Variants in HTRA3 observed in about 807,000 individuals in gnomAD.
HTRA3 encodes the protein serine protease HTRA3.
Under a neutral mutation model 43.2 loss-of-function variants are expected in HTRA3, and 41 were observed. That is an observed-to-expected ratio of 0.95 (90% CI 0.74 to 1.23). The LOEUF is 1.23. Among genes scored for constraint, HTRA3 ranks in the 50% most tolerant of loss-of-function variants. HTRA3 has a pLI of 0.00. For missense variants in HTRA3, 628 were observed against 647.1 expected, an observed-to-expected ratio of 0.97 and a Z score of 0.32; for synonymous variants, 295 against 287.9, an observed-to-expected ratio of 1.02 and a Z score of -0.25.
At chr4:8,292,863 T>C (rs1221615299) in intron 5 of HTRA3, among the ~76,000 whole-genome samples, 1 of 151,894 alleles carries the variant, frequency 6.6e-6, no homozygotes, top group Admixed American at 6.6e-5. Flanking sequence ...TGGGGAGGTG[T>C]CCAGATGTGA....
At chr4:8,271,649 C>A (rs1712281655) in intron 1 of HTRA3, among the ~76,000 whole-genome samples, 1 of 152,206 alleles carries the variant, frequency 6.6e-6, no homozygotes, top group Non-Finnish European at 1.5e-5. Context: ...AAGGTGCCAG[C>A]AGGCTTGGTT....
chr4:8,293,020 C>G (rs573181888), intron 5 of HTRA3, among the ~76,000 whole-genome samples: 23 of 151,996 alleles, frequency 1.5e-4, no homozygotes, highest in Non-Finnish European at 2.6e-4. Flanking sequence ...GGACTGGGTA[C>G]AGGAAGAAGA....
chr4:8,300,936 TTTA>T (rs779671182), intron 6 of HTRA3, among the ~76,000 whole-genome samples: 9 of 152,038 alleles, frequency 5.9e-5, no homozygotes, highest in African/African-American at 1.4e-4. Flanking sequence ...TCCAGTCATC[TTTA>T]TTATTGATTC....
At chr4:8,292,216 C>A in intron 4 of HTRA3, 105 bp from the exon 5 acceptor site, 1 of 942,038 alleles carries the variant, frequency 1.1e-6, no homozygotes, top group Admixed American at 2.1e-5. Context: ...GAGGATGAGA[C>A]CTGCTTATGT....
At chr4:8,283,370 C>G (rs904428690) in intron 2 of HTRA3, among the ~76,000 whole-genome samples, 1 of 152,188 alleles carries the variant, frequency 6.6e-6, no homozygotes, top group East Asian at 1.9e-4. Flanking sequence ...GGGCCTGCCC[C>G]GGTCCCTGCC....
chr4:8,270,381 T>C, intron 1 of HTRA3, 28 bp downstream of exon 1: 1 of 1,376,996 alleles, frequency 7.3e-7, no homozygotes, highest in East Asian at 3.1e-5. Flanking sequence ...AGGGAGGAAG[T>C]GAAGCTTCTT....
At chr4:8,284,300 G>A (rs563067573) in intron 2 of HTRA3, among the ~76,000 whole-genome samples, 6 of 152,198 alleles carry the variant, frequency 3.9e-5, no homozygotes, top group East Asian at 1.9e-4. Context: ...TAAGTGGCAC[G>A]TTGCTGGCCT....
chr4:8,270,211 C>A lies in HTRA3; in HGVS notation c.243C>A (p.Cys81Ter). The A allele has an allele frequency of 6.5e-7, 1 of 1,537,942 alleles. No individual in the cohort carries two copies. The highest frequency in any genetic ancestry group is 8.7e-7 in the Non-Finnish European group (1 of 1,153,758). Residue 81 changes from cysteine (C) to a stop codon, truncating the protein, a stop_gained, in exon 1 of 9, where the codon TGC (cysteine) becomes TGA (stop). Transcript: ENST00000307358. LOFTEE classifies it high-confidence loss of function. ...GESLECVRGL[C>*]RCRWSHAVCG... is the part of the protein sequence containing the mutation. ...GCCTGGAGTGCGTGCGCGGCCTATG[C>A]CGCTGCCGCTGGTCGCACGCCGTGT...
At chr4:8,300,873 A>G (rs1419689365) in intron 6 of HTRA3, among the ~76,000 whole-genome samples, 1 of 150,576 alleles carries the variant, frequency 6.6e-6, no homozygotes, top group Non-Finnish European at 1.5e-5. Context: ...TCTTACCTTT[A>G]TTGATTCACA....
intron 2 of HTRA3, among the ~76,000 whole-genome samples, chr4:8,285,595 G>C (rs1192258101): frequency 6.6e-6 from 1 of 152,208 alleles, no homozygotes; most frequent in African/African-American, 2.4e-5. Context: ...GCCCCACGCT[G>C]GGGTCCCGAA....
chr4:8,278,653 C>A (rs963146128), intron 1 of HTRA3, among the ~76,000 whole-genome samples: 4 of 152,168 alleles, frequency 2.6e-5, no homozygotes, highest in African/African-American at 9.7e-5. Flanking sequence ...CCCACCCCAC[C>A]ACCCACCGAG....
intron 2 of HTRA3, 24 bp downstream of exon 2, chr4:8,282,560 C>T (rs1712795868): frequency 6.4e-7 from 1 of 1,562,158 alleles, no homozygotes; most frequent in Non-Finnish European, 8.8e-7. Context: ...CCTCGCCCCT[C>T]TCTGCCTCCT....
intron 6 of HTRA3, among the ~76,000 whole-genome samples, chr4:8,299,544 T>A (rs1713566832): frequency 6.6e-6 from 1 of 152,222 alleles, no homozygotes; most frequent in Non-Finnish European, 1.5e-5. Flanking sequence ...GACATCCTTG[T>A]CCCGTTCGTG....
intron 3 of HTRA3, among the ~76,000 whole-genome samples, chr4:8,288,313 G>A (rs9985994): frequency 6.6e-6 from 1 of 152,140 alleles, no homozygotes; most frequent in Non-Finnish European, 1.5e-5. Context: ...TGCCCTTGTT[G>A]CCCAGGCTGG....
chr4:8,294,030 G>A, intron 5 of HTRA3, 57 bp from the exon 6 acceptor site: 3 of 1,155,794 alleles, frequency 2.6e-6, no homozygotes, highest in Non-Finnish European at 2.5e-6. Context: ...AGTGCTTTGT[G>A]GGCAGGGGTT....
intron 3 of HTRA3, among the ~76,000 whole-genome samples, chr4:8,289,834 C>G (rs1479232317): frequency 1.4e-5 from 2 of 141,148 alleles, no homozygotes; most frequent in Non-Finnish European, 3.1e-5. Context: ...CCCTCCCCAG[C>G]TCATGGCCTC....
intron 1 of HTRA3, among the ~76,000 whole-genome samples, chr4:8,274,480 GC>G (rs1712438780): frequency 6.6e-6 from 1 of 152,260 alleles, no homozygotes; most frequent in Non-Finnish European, 1.5e-5. Flanking sequence ...AGGGGCCTGG[GC>G]CAGTGCGTGG....
In HTRA3 at chr4:8,302,563, C is replaced by T. The variant is rs150594049; in HGVS notation, c.1100+52C>T. 5.4e-4 allele frequency: 837 copies of T among 1,556,552 alleles called. 4 individuals carry two copies. The African/African-American group carries it at 8.7e-3, about 16-fold the overall frequency. On this transcript the variant is annotated intron_variant, in intron 7 of 8. Coordinates refer to ENST00000307358, the MANE Select transcript of HTRA3 (RefSeq NM_053044.5). The stretch of plus-strand genomic sequence containing the variant: ...TGCTACCCCTTCCTCTCATCCCTCA[C>T]CCTGACCCTCCCTCCAGACCCTGGC...
intron 2 of HTRA3, among the ~76,000 whole-genome samples, chr4:8,284,630 T>G (rs1036068398): frequency 1.3e-5 from 2 of 152,198 alleles, no homozygotes; most frequent in Non-Finnish European, 2.9e-5. Flanking sequence ...GCAAAACAGG[T>G]GCAGTTCCTA....
Sources: gnomAD v4.1 joint callset for allele counts (sites outside exome capture counted in the v4.1 genomes callset) on GRCh38, gnomAD v4.1.1 for gene constraint, MANE v1.5 for transcripts, NCBI Gene and HGNC (gene_info 2026-07-23, HGNC 2026-07-21) for gene names.